Variants in MYO10 observed in about 807,000 individuals in gnomAD.
MYO10 encodes myosin X.
Under a neutral mutation model 257.3 loss-of-function variants are expected in MYO10, and 133 were observed. The observed-to-expected ratio is 0.52, with a 90% CI of 0.45 to 0.60. The LOEUF (loss-of-function observed/expected upper bound fraction) is 0.60, where lower values mean the gene tolerates loss of function less well. MYO10 is among the 20% of genes least tolerant of loss of function. The pLI, the probability that MYO10 is intolerant of heterozygous loss-of-function variation, is 0.00. For missense variants in MYO10, 2,399 were observed against 2,635.7 expected (o/e 0.91, Z 1.97); for synonymous variants, 1,104 against 1,028.6 (o/e 1.07, Z -1.40).
intron 4 of MYO10, among the ~76,000 whole-genome samples, chr5:16,786,245 T>TA (rs1741576662): frequency 6.6e-6 from 1 of 152,084 alleles, no homozygotes; most frequent in Non-Finnish European, 1.5e-5. Flanking sequence ...ATGGAGAAGA[T>TA]ACGATACTCT....
chr5:16,717,786 C>T (rs1018085019), intron 19 of MYO10, among the ~76,000 whole-genome samples: 1 of 152,234 alleles, frequency 6.6e-6, no homozygotes, highest in Non-Finnish European at 1.5e-5. Flanking sequence ...TGACAGCACA[C>T]TGGCAGTCCT....
At chr5:16,811,642 C>G (rs541607144) in intron 3 of MYO10, among the ~76,000 whole-genome samples, 1 of 152,280 alleles carries the variant, frequency 6.6e-6, no homozygotes, top group African/African-American at 2.4e-5. Flanking sequence ...CTCAACCTCC[C>G]CGGCTCAGGC....
At chr5:16,918,073 G>C (rs962091366) in intron 1 of MYO10, among the ~76,000 whole-genome samples, 1 of 152,176 alleles carries the variant, frequency 6.6e-6, no homozygotes, top group South Asian at 2.1e-4. Context: ...GCCTTCAAAA[G>C]CTGGTTTAAA....
chr5:16,761,226 C>G (rs1044997308), intron 17 of MYO10, among the ~76,000 whole-genome samples: 1 of 152,028 alleles, frequency 6.6e-6, no homozygotes, highest in South Asian at 2.1e-4. Context: ...CCTGACCTCA[C>G]GTGATTTGCC....
At chr5:16,685,272 G>A (rs977413726) in intron 29 of MYO10, among the ~76,000 whole-genome samples, 9 of 152,030 alleles carry the variant, frequency 5.9e-5, no homozygotes, top group South Asian at 2.1e-4. Context: ...GTTCAGTGGC[G>A]CAATCATAGC....
In MYO10 at chr5:16,836,118, T is replaced by C. The variant is rs141366024; in HGVS notation, c.121-17951A>G. Among the ~76,000 whole-genome samples, 93 of 152,336 alleles carry C rather than the reference T, an allele frequency of 6.1e-4. 2 individuals are homozygous for C. In the East Asian group the frequency reaches 0.016, roughly 26 times the overall value. ...GTTTAGGAGAGATAGGGGCATACTATCGTCAGTATCCTCACTCCTTGCCTA... is the reference window on the plus strand; with the variant it reads ...GTTTAGGAGAGATAGGGGCATACTACCGTCAGTATCCTCACTCCTTGCCTA... On this transcript the variant is annotated intron_variant, in intron 2 of 40. Transcript: ENST00000513610.
intron 19 of MYO10, among the ~76,000 whole-genome samples, chr5:16,717,129 G>A (rs1178079396): frequency 6.6e-6 from 1 of 152,208 alleles, no homozygotes; most frequent in African/African-American, 2.4e-5. Flanking sequence ...GGGCCACCAC[G>A]CGCGGCCTTA....
At chr5:16,796,560 A>T (rs1741980424) in intron 3 of MYO10, among the ~76,000 whole-genome samples, 1 of 152,206 alleles carries the variant, frequency 6.6e-6, no homozygotes, top group Non-Finnish European at 1.5e-5. Flanking sequence ...AGGCCTCTCC[A>T]TGTGGACATA....
Position 16,919,846 on chromosome 5 carries a change from C to T in MYO10, c.21+15942G>A, listed in dbSNP as rs139845601. Among the ~76,000 whole-genome samples the T allele has an allele frequency of 8.8e-3, 1,342 of 152,202 alleles. 10 individuals are homozygous for T. Among genetic ancestry groups the T allele is most frequent in the East Asian group, 0.018 (95 of 5,178 alleles). ...ACAAAAATTAGGCCGGGTGTGGTGG[C>T]TCACACCTGTAATCCCAGCACTTTG... On this transcript the variant is annotated intron_variant, in intron 1 of 40. Coordinates refer to ENST00000513610, the MANE Select transcript of MYO10 (RefSeq NM_012334.3).
intron 29 of MYO10, 130 bp from the exon 30 acceptor site, chr5:16,684,065 G>C: frequency 1.3e-6 from 1 of 798,214 alleles, no homozygotes; most frequent in South Asian, 1.6e-5. Flanking sequence ...CAAAATAATA[G>C]TTATCTATGA....
At chr5:16,684,046 T>G in intron 29 of MYO10, 111 bp from the exon 30 acceptor site, 1 of 950,726 alleles carries the variant, frequency 1.1e-6, no homozygotes, top group Non-Finnish European at 1.6e-6. Flanking sequence ...GCTCTTTTCT[T>G]TTTAACTTCA....
chr5:16,765,687 T>A (rs1405786914), intron 11 of MYO10, among the ~76,000 whole-genome samples: 1 of 152,202 alleles, frequency 6.6e-6, no homozygotes, highest in East Asian at 1.9e-4. Flanking sequence ...ATGCTCAGCA[T>A]ATATTTGTTA....
At chr5:16,846,892 CG>C (rs1164750889) in intron 2 of MYO10, among the ~76,000 whole-genome samples, 3 of 150,082 alleles carry the variant, frequency 2.0e-5, no homozygotes, top group Non-Finnish European at 4.4e-5. Flanking sequence ...CTGAGGCAGG[CG>C]GATTACCTGA....
chr5:16,868,642 C>G (rs901998409), intron 2 of MYO10, among the ~76,000 whole-genome samples: 2 of 152,056 alleles, frequency 1.3e-5, no homozygotes, highest in African/African-American at 4.8e-5. Flanking sequence ...GAAACTCTGT[C>G]CAAAGCCTGT....
At chr5:16,735,216 C>T (rs1257627999) in intron 19 of MYO10, among the ~76,000 whole-genome samples, 1 of 152,156 alleles carries the variant, frequency 6.6e-6, no homozygotes, top group Non-Finnish European at 1.5e-5. Context: ...ACTGAGCAAA[C>T]AGCAACAAAT....
intron 22 of MYO10, among the ~76,000 whole-genome samples, chr5:16,703,984 C>T (rs1336853045): frequency 6.6e-6 from 1 of 151,460 alleles, no homozygotes. Flanking sequence ...AACAGCCAGG[C>T]CGCTGTGGCT....
At position 16,877,655 on chromosome 5, in the gene MYO10, T is replaced by G. The variant is rs1422156702; in HGVS notation, c.74A>C (p.Asn25Thr). The part of the protein sequence containing the change: ...ENGQHFPSTV[N>T]SCAEGIVVFR... Reference sequence around the variant, plus strand: ...GACGACGATGCCTTCTGCACAGGAATTTACAGTACTTGGAAAATGCTGGCC... The same window carrying G: ...GACGACGATGCCTTCTGCACAGGAAGTTACAGTACTTGGAAAATGCTGGCC... Residue 25 changes from asparagine (N) to threonine (T), a missense_variant, in exon 2 of 41, where the codon AAT (asparagine) becomes ACT (threonine). This residue lies in a region of MYO10 where 242 missense variants were observed against 249.5 expected (regional missense o/e 0.97). Coordinates refer to ENST00000513610, the MANE Select transcript of MYO10 (RefSeq NM_012334.3). 1 of 1,613,866 alleles carries G rather than the reference T, an allele frequency of 6.2e-7. No individual in the cohort carries two copies. Among genetic ancestry groups the G allele is most frequent in the African/African-American group, 1.3e-5 (1 of 75,032 alleles).
At chr5:16,832,490 T>C (rs1743189614) in intron 2 of MYO10, among the ~76,000 whole-genome samples, 1 of 152,160 alleles carries the variant, frequency 6.6e-6, no homozygotes, top group Non-Finnish European at 1.5e-5. Flanking sequence ...GGGCTTCTCC[T>C]CTAACCCTCT....
intron 1 of MYO10, among the ~76,000 whole-genome samples, chr5:16,879,455 G>C (rs1415448090): frequency 6.6e-6 from 1 of 152,162 alleles, no homozygotes; most frequent in Non-Finnish European, 1.5e-5. Context: ...CTCCAGTAAA[G>C]GAGTGCCCCA....
Sources: allele counts gnomAD v4.1 joint callset (sites outside exome capture counted in the v4.1 genomes callset), GRCh38; gene constraint gnomAD v4.1.1; regional missense constraint gnomAD v4.1.1; transcripts MANE v1.5; gene names NCBI Gene and HGNC (gene_info 2026-07-23, HGNC 2026-07-21).